SMARCC1: variants seen among roughly 807,000 people sequenced by gnomAD.
The protein encoded by SMARCC1 is SWI/SNF related BAF chromatin remodeling complex subunit C1, also known as SWI/SNF complex subunit SMARCC1.
A neutral mutation model predicts 147.4 loss-of-function variants in SMARCC1; 43 were observed. That is an observed-to-expected ratio of 0.29 (90% CI 0.23 to 0.38). The LOEUF (loss-of-function observed/expected upper bound fraction) is 0.38. Among genes scored for constraint, SMARCC1 ranks in the 10% least tolerant of loss-of-function variants. SMARCC1 has a pLI of 1.00. For synonymous variants in SMARCC1, 495 were observed against 484.4 expected (o/e 1.02, Z -0.29); for missense variants, 1,119 against 1,381.1 (o/e 0.81, Z 3.01).
intron 3 of SMARCC1, among the ~76,000 whole-genome samples, chr3:47,740,201 TTTTTTTTTTTA>T (rs1256117126): frequency 5.4e-5 from 7 of 130,048 alleles, no homozygotes; most frequent in Admixed American, 3.2e-4. Flanking sequence ...TTTTTTTTTT[TTTTTTTTTTTA>T]AAAGACAGAC....
intron 2 of SMARCC1, among the ~76,000 whole-genome samples, chr3:47,754,087 G>A (rs73085149): frequency 0.012 from 1,821 of 152,156 alleles, 22 homozygotes; most frequent in Non-Finnish European, 0.019. Flanking sequence ...CACTGCTACC[G>A]TAATAGTCTT....
intron 21 of SMARCC1, among the ~76,000 whole-genome samples, chr3:47,654,162 C>T (rs1162265199): frequency 6.6e-6 from 1 of 152,162 alleles, no homozygotes; most frequent in African/African-American, 2.4e-5. Flanking sequence ...GTACACAAAT[C>T]TCACTGAATC....
At chr3:47,602,050 G>T (rs967954440) in intron 26 of SMARCC1, among the ~76,000 whole-genome samples, 1 of 152,102 alleles carries the variant, frequency 6.6e-6, no homozygotes. Flanking sequence ...GGGTGGGTTA[G>T]AAAGTGGTGA....
intron 25 of SMARCC1, among the ~76,000 whole-genome samples, chr3:47,618,420 C>T (rs561172534): frequency 9.3e-5 from 14 of 151,092 alleles, no homozygotes; most frequent in Non-Finnish European, 1.9e-4. Flanking sequence ...GTGCCTCATG[C>T]CTGTAGTCTC....
intron 14 of SMARCC1, among the ~76,000 whole-genome samples, chr3:47,680,760 G>C (rs1165215390): frequency 5.3e-5 from 8 of 151,812 alleles, no homozygotes; most frequent in African/African-American, 1.9e-4. Context: ...TTTTAGCTGG[G>C]ATGGTCTCGA....
chr3:47,758,914 G>A (rs1308942725), intron 2 of SMARCC1, among the ~76,000 whole-genome samples: 1 of 151,918 alleles, frequency 6.6e-6, no homozygotes, highest in Non-Finnish European at 1.5e-5. Context: ...CTACTCAGGA[G>A]GCTGAGGCAG....
chr3:47,598,862 GACACAC>G (rs113400730), intron 26 of SMARCC1, among the ~76,000 whole-genome samples: 1 of 128,132 alleles, frequency 7.8e-6, no homozygotes, highest in Non-Finnish European at 1.6e-5. Context: ...GAGAGAGAGA[GACACAC>G]ACACACACAC....
chr3:47,701,351 T>C lies in SMARCC1; in HGVS notation c.1092A>G (p.Gln364=). 1 of 1,613,506 alleles carries C rather than the reference T, an allele frequency of 6.2e-7. No homozygotes were observed. ...CTTCCATATCCTTGGTTAGATCTTC[T>C]TGCTCATCTTCCTCTTTCTGACTTC... The part of the protein sequence containing the change: ...KRRSQKEEDE[Q]EDLTKDMEDP... The change falls in exon 11 of 28, where the codon CAA becomes CAG. Residue 364 remains glutamine, a synonymous_variant. Transcript: ENST00000254480.
intron 1 of SMARCC1, among the ~76,000 whole-genome samples, chr3:47,781,310 G>A (rs1046204018): frequency 6.6e-6 from 1 of 152,178 alleles, no homozygotes; most frequent in Non-Finnish European, 1.5e-5. Context: ...GCTGACAAAA[G>A]AGAGAGAGTC....
intron 24 of SMARCC1, among the ~76,000 whole-genome samples, chr3:47,625,263 C>T (rs1480386725): frequency 2.0e-5 from 3 of 151,274 alleles, no homozygotes; most frequent in Non-Finnish European, 4.4e-5. Context: ...AGTTTGATAC[C>T]AGCTTGGCCA....
At chr3:47,766,778 A>G (rs895596764) in intron 2 of SMARCC1, among the ~76,000 whole-genome samples, 4 of 152,166 alleles carry the variant, frequency 2.6e-5, no homozygotes, top group Non-Finnish European at 4.4e-5. Flanking sequence ...GTAATGCAAT[A>G]TACCTTTAGC....
intron 6 of SMARCC1, among the ~76,000 whole-genome samples, chr3:47,723,256 G>C (rs542955899): frequency 1.3e-4 from 20 of 150,648 alleles, no homozygotes; most frequent in Non-Finnish European, 2.7e-4. Flanking sequence ...ATAATAATTA[G>C]TATAATGTAA....
At chr3:47,607,266 T>C (rs933203552) in intron 26 of SMARCC1, among the ~76,000 whole-genome samples, 1 of 152,226 alleles carries the variant, frequency 6.6e-6, no homozygotes, top group Non-Finnish European at 1.5e-5. Context: ...GTAATTCTTA[T>C]GATTGCAAAT....
chr3:47,595,965 C>A (rs2032271961), intron 26 of SMARCC1, among the ~76,000 whole-genome samples: 1 of 151,756 alleles, frequency 6.6e-6, no homozygotes, highest in South Asian at 2.1e-4. Flanking sequence ...AATCTCTTGA[C>A]CTCGTGATCT....
At chr3:47,780,108 G>A (rs1170118094) in intron 1 of SMARCC1, among the ~76,000 whole-genome samples, 1 of 149,166 alleles carries the variant, frequency 6.7e-6, no homozygotes, top group Non-Finnish European at 1.5e-5. Flanking sequence ...AATTTTTCTA[G>A]CTGACCTTCA....
intron 24 of SMARCC1, among the ~76,000 whole-genome samples, chr3:47,632,971 A>G (rs1345601885): frequency 6.6e-6 from 1 of 151,304 alleles, no homozygotes; most frequent in Non-Finnish European, 1.5e-5. Flanking sequence ...TGAAGTTAAA[A>G]AAAAAAAAAA....
intron 21 of SMARCC1, among the ~76,000 whole-genome samples, chr3:47,652,536 G>C (rs1448039342): frequency 1.3e-5 from 2 of 151,428 alleles, no homozygotes; most frequent in Non-Finnish European, 2.9e-5. Context: ...GAGAAGTAGA[G>C]CTTTGGGATT....
chr3:47,710,584 C>G lies in SMARCC1; in HGVS notation c.918+99G>C, dbSNP rs191738149. On this transcript the variant is annotated intron_variant, in intron 9 of 27. Transcript: ENST00000254480. ...CAGCCATCAGGCAGATGTGAAAGTT[C>G]CTAAGTGGTTTGTATATGACAGCTT... 4 of 1,228,660 alleles carry G rather than the reference C, an allele frequency of 3.3e-6. No homozygotes were observed. In the Admixed American group the frequency reaches 1.0e-4, roughly 31 times the overall value. The allele number at this position is 1,228,660 out of a possible 1,614,324, so 76.1% of individuals were successfully genotyped here. A position where few individuals can be genotyped will look rare whatever the true frequency, so the allele number is the denominator to read the frequency against.
At chr3:47,735,554 G>A (rs577568057) in intron 5 of SMARCC1, among the ~76,000 whole-genome samples, 2 of 152,016 alleles carry the variant, frequency 1.3e-5, no homozygotes, top group East Asian at 1.9e-4. Flanking sequence ...GAGATCACTC[G>A]AGGTCAGGAG....
Sources: gnomAD v4.1 joint callset for allele counts (sites outside exome capture counted in the v4.1 genomes callset) on GRCh38, gnomAD v4.1.1 for gene constraint, MANE v1.5 for transcripts, NCBI Gene and HGNC (gene_info 2026-07-23, HGNC 2026-07-21) for gene names.